Variants in MSANTD2 observed in about 807,000 individuals in gnomAD.
MSANTD2 encodes Myb/SANT DNA binding domain containing 2.
A neutral mutation model predicts 52.6 loss-of-function variants in MSANTD2; 19 were observed. The ratio of observed to expected loss-of-function variants is 0.36; its 90% CI spans 0.25 to 0.53. The LOEUF is 0.53. Ranked by LOEUF, MSANTD2 falls within the 20% of genes least tolerant of loss-of-function variation. The probability of loss-of-function intolerance (pLI) is 0.91; values close to 1 mark genes in which losing one functional copy is unlikely to be tolerated. For synonymous variants in MSANTD2, 291 were observed against 289.7 expected (o/e 1.00, Z -0.04); for missense variants, 558 against 716.3 (o/e 0.78, Z 2.52).
Position 124,800,143 on chromosome 11 carries a change from C to G in MSANTD2, c.238G>C (p.Val80Leu). 6.8e-7 allele frequency: 1 copy of G among 1,477,888 alleles called. No individual in the cohort carries two copies. The highest frequency in any genetic ancestry group is 8.9e-7 in the Non-Finnish European group (1 of 1,122,884). The allele number at this position is 1,477,888 out of a possible 1,614,324, so 91.5% of individuals were successfully genotyped here. Residue 80 changes from valine (V) to leucine (L), a missense_variant, in exon 1 of 4, where the codon GTC (valine) becomes CTC (leucine). Coordinates refer to ENST00000374979, the MANE Select transcript of MSANTD2 (RefSeq NM_001308027.2). This position sits in a 1 kb window ranked among gnomAD's most constrained non-coding sequence, Gnocchi z 4.3. ...CCGCCGCCACCAGGGGAGAAGGAGA[C>G]CGAGGACGAGGCGGCGCTGCGGCCC... is the stretch of plus-strand genomic sequence containing the variant. ...LGGRSAASSS[V>L]SFSPGGGGGG...
At chr11:124,770,040 G>C (rs1461297925) in intron 3 of MSANTD2, among the ~76,000 whole-genome samples, 1 of 152,208 alleles carries the variant, frequency 6.6e-6, no homozygotes, top group Non-Finnish European at 1.5e-5. Context: ...ATGAAAACTA[G>C]ACTCAGTTAT....
rs756386081 is a variant in MSANTD2 at position 124,800,000 on chromosome 11, C to G, written c.381G>C (p.Gln127His). Residue 127 changes from glutamine (Q) to histidine (H), a missense_variant, in exon 1 of 4, where the codon CAG becomes CAC. This residue lies in a region of MSANTD2 where 408 missense variants were observed against 573.6 expected (regional missense o/e 0.71). Transcript: ENST00000374979. ...GNERLVEARY[Q>H]QLEGAGTVFG... ...ACACCGTGCCGGCTCCCTCCAGCTGCTGGTACCGCGCCTCCACCAGCCGCT... is the reference window on the plus strand; with the variant it reads ...ACACCGTGCCGGCTCCCTCCAGCTGGTGGTACCGCGCCTCCACCAGCCGCT... 6.3e-7 allele frequency: 1 copy of G among 1,584,020 alleles called. No homozygotes were observed. Among genetic ancestry groups the G allele is most frequent in the South Asian group, 1.1e-5 (1 of 89,298 alleles).
chr11:124,796,597 C>CTACT (rs1423541581), intron 1 of MSANTD2, among the ~76,000 whole-genome samples: 2 of 152,126 alleles, frequency 1.3e-5, no homozygotes, highest in Non-Finnish European at 2.9e-5. Context: ...CAGGGAAGCG[C>CTACT]TACTGTACCC....
At chr11:124,770,460 G>C (rs1186116621) in intron 3 of MSANTD2, among the ~76,000 whole-genome samples, 3 of 152,008 alleles carry the variant, frequency 2.0e-5, no homozygotes, top group East Asian at 3.9e-4. Context: ...ACTATACCCA[G>C]TGAATTTTAA....
At chr11:124,794,187 AT>A (rs1216076245) in intron 1 of MSANTD2, among the ~76,000 whole-genome samples, 2 of 152,206 alleles carry the variant, frequency 1.3e-5, no homozygotes, top group African/African-American at 4.8e-5. Context: ...TGCTTTCTAA[AT>A]TATTTTTTCC....
At chr11:124,786,582 T>C (rs1344080358) in intron 1 of MSANTD2, among the ~76,000 whole-genome samples, 1 of 152,208 alleles carries the variant, frequency 6.6e-6, no homozygotes, top group Non-Finnish European at 1.5e-5. Context: ...ATAAATGCCA[T>C]CATTTATCTG....
chr11:124,779,642 T>G lies in MSANTD2; in HGVS notation c.511-4668A>C, dbSNP rs1451198783. On this transcript the variant is annotated intron_variant, in intron 1 of 3. Coordinates refer to ENST00000374979, the MANE Select transcript of MSANTD2 (RefSeq NM_001308027.2). This position sits in a 1 kb window ranked among gnomAD's most constrained non-coding sequence, Gnocchi z 4.6. ...AAAGTCAATCTGCAAGGAGGACAGC[T>G]TAGTTATAATAGCAGGAAACAATGT... 6.6e-6 allele frequency among the ~76,000 whole-genome samples: 1 copy of G among 152,192 alleles called. No individual in the cohort carries two copies. The highest frequency in any genetic ancestry group is 1.9e-4 in the East Asian group (1 of 5,206).
chr11:124,783,685 A>T, intron 1 of MSANTD2: 3 of 967,558 alleles, frequency 3.1e-6, no homozygotes, highest in Non-Finnish European at 3.7e-6. Flanking sequence ...AAATTCAGGA[A>T]ATTTTGATTG....
At chr11:124,798,272 A>AGGTGTG (rs1376536206) in intron 1 of MSANTD2, among the ~76,000 whole-genome samples, 14 of 147,898 alleles carry the variant, frequency 9.5e-5, no homozygotes, top group African/African-American at 3.6e-4. Flanking sequence ...TTAATGAGCC[A>AGGTGTG]GGTGTGGTGG....
intron 3 of MSANTD2, 81 bp from the exon 4 acceptor site, chr11:124,768,109 G>A: frequency 7.4e-7 from 1 of 1,355,612 alleles, no homozygotes; most frequent in Non-Finnish European, 1.0e-6. Context: ...TGATGGAAAT[G>A]TTCTGTATCT....
intron 1 of MSANTD2, among the ~76,000 whole-genome samples, chr11:124,798,648 C>T (rs1251031957): frequency 2.6e-5 from 4 of 152,196 alleles, no homozygotes; most frequent in African/African-American, 7.2e-5. Flanking sequence ...CAAAGAAATA[C>T]TACTGGAGCC....
intron 1 of MSANTD2, among the ~76,000 whole-genome samples, chr11:124,781,919 C>T (rs1944989877): frequency 1.3e-5 from 2 of 152,160 alleles, no homozygotes; most frequent in Non-Finnish European, 2.9e-5. Flanking sequence ...TCCCAAAGTG[C>T]TGGGATTACA....
At chr11:124,784,202 A>C (rs1376004009) in intron 1 of MSANTD2, 1 of 985,142 alleles carries the variant, frequency 1.0e-6, no homozygotes, top group African/African-American at 1.7e-5. Flanking sequence ...CTGGGATTAG[A>C]GGCTATTTTC....
intron 1 of MSANTD2, among the ~76,000 whole-genome samples, chr11:124,798,699 T>A (rs1473938479): frequency 6.6e-6 from 1 of 152,176 alleles, no homozygotes; most frequent in African/African-American, 2.4e-5. Flanking sequence ...TCCTTTAGCT[T>A]ACTCTAACTC....
In MSANTD2 at chr11:124,797,562, G is replaced by A. The variant is rs555192262; in HGVS notation, c.510+2309C>T. On this transcript the variant is annotated intron_variant, in intron 1 of 3. Transcript: ENST00000374979. ...GTCTACTATATGCTAGTACAGCAGT[G>A]AGTAAGAGAGACCAGAACCTGTCCT... Among the ~76,000 whole-genome samples, 72 of 152,304 alleles carry A rather than the reference G, an allele frequency of 4.7e-4. No individual in the cohort carries two copies. The South Asian group carries it at 0.015, about 31-fold the overall frequency.
At position 124,766,933 on chromosome 11, in the gene MSANTD2, A is replaced by C. The variant is rs1274576741; in HGVS notation, c.*243T>G. 1 of 377,568 alleles carries C rather than the reference A, an allele frequency of 2.6e-6. No individual in the cohort carries two copies. The highest frequency in any genetic ancestry group is 4.0e-5 in the East Asian group (1 of 24,774). 23.4% of individuals were successfully genotyped at this position (377,568 alleles called of 1,614,324 possible). A position where few individuals can be genotyped will look rare whatever the true frequency, so the allele number is the denominator to read the frequency against. ...ATTGTTTTTCTGTTTTTAAAAAAGA[A>C]ATAGCTGACCCACCATGCAAGTTCG... On this transcript the variant is annotated 3_prime_UTR_variant, in exon 4 of 4. Coordinates refer to ENST00000374979, the MANE Select transcript of MSANTD2 (RefSeq NM_001308027.2).
chr11:124,795,090 G>T (rs1308017537), intron 1 of MSANTD2, among the ~76,000 whole-genome samples: 1 of 152,030 alleles, frequency 6.6e-6, no homozygotes, highest in African/African-American at 2.4e-5. Context: ...CGTTGTCCAC[G>T]CTGGTCTCCA....
intron 3 of MSANTD2, among the ~76,000 whole-genome samples, chr11:124,769,308 A>G (rs1178938002): frequency 1.3e-5 from 2 of 152,168 alleles, no homozygotes; most frequent in East Asian, 3.9e-4. Context: ...GACTGCCCTG[A>G]ATTTACCCTC....
intron 1 of MSANTD2, chr11:124,791,494 C>A: frequency 1.8e-6 from 2 of 1,113,284 alleles, no homozygotes; most frequent in South Asian, 1.3e-5. Flanking sequence ...TCCTAAATGG[C>A]TGAGGGCAAG....
Sources: gnomAD v4.1 joint callset for allele counts (sites outside exome capture counted in the v4.1 genomes callset) on GRCh38, gnomAD v4.1.1 for gene constraint, gnomAD v4.1.1 regional missense constraint, Gnocchi (gnomAD v3.1) non-coding constraint, MANE v1.5 for transcripts, NCBI Gene and HGNC (gene_info 2026-07-23, HGNC 2026-07-21) for gene names.